DNAAF9: variants seen among roughly 807,000 people sequenced by gnomAD.
DNAAF9 encodes dynein axonemal assembly factor 9, also known as shulin.
DNAAF9 carries 90 observed loss-of-function variants against 167.0 expected under a neutral mutation model. The ratio of observed to expected loss-of-function variants is 0.54; its 90% CI spans 0.45 to 0.64. DNAAF9 has a LOEUF of 0.64. DNAAF9 is among the 30% of genes least tolerant of loss of function. The probability of loss-of-function intolerance (pLI) is 0.00; values close to 1 mark genes in which losing one functional copy is unlikely to be tolerated. For missense variants in DNAAF9, 1,315 were observed against 1,442.2 expected (o/e 0.91, Z 1.43); for synonymous variants, 491 against 508.8 (o/e 0.96, Z 0.47).
At chr20:3,255,630 T>A (rs2068266919) in intron 34 of DNAAF9, among the ~76,000 whole-genome samples, 1 of 152,094 alleles carries the variant, frequency 6.6e-6, no homozygotes, top group Admixed American at 6.6e-5. Context: ...TAGAAGCTTA[T>A]CCAAGTGAGG....
At position 3,322,639 on chromosome 20, in the gene DNAAF9, A is replaced by G. The variant is rs755445325; in HGVS notation, c.1310+13T>C. 1.2e-5 allele frequency: 19 copies of G among 1,602,556 alleles called. No homozygotes were observed. The South Asian group carries it at 1.9e-4, about 16-fold the overall frequency. ...TTGCTCCATGTAAGGATGCACCACA[A>G]TCATATACGCACCTTCCCTGATTAT... On this transcript the variant is annotated intron_variant, in intron 15 of 36. Coordinates refer to ENST00000252032, the MANE Select transcript of DNAAF9 (RefSeq NM_001009984.3).
chr20:3,319,174 G>A (rs112026466), intron 16 of DNAAF9, among the ~76,000 whole-genome samples: 4,270 of 142,724 alleles, frequency 0.03, 88 homozygotes, highest in African/African-American at 0.054. Flanking sequence ...AAGGCAGGAG[G>A]ATTGTTTGAG....
At chr20:3,300,231 T>C (rs752114269) in intron 21 of DNAAF9, among the ~76,000 whole-genome samples, 38 of 152,062 alleles carry the variant, frequency 2.5e-4, no homozygotes, top group Non-Finnish European at 4.4e-4. Context: ...AAAAATGCCA[T>C]TGGGATTTTG....
intron 7 of DNAAF9, among the ~76,000 whole-genome samples, chr20:3,350,531 G>A (rs747618227): frequency 6.6e-6 from 1 of 152,158 alleles, no homozygotes; most frequent in East Asian, 1.9e-4. Flanking sequence ...ATCTACTGAA[G>A]AGATTTAGAA....
chr20:3,344,239 A>G (rs2070147050), intron 8 of DNAAF9, among the ~76,000 whole-genome samples: 1 of 152,204 alleles, frequency 6.6e-6, no homozygotes, highest in African/African-American at 2.4e-5. Context: ...TGGGAAATCA[A>G]TGAAATAAGT....
intron 10 of DNAAF9, among the ~76,000 whole-genome samples, chr20:3,335,852 GT>G (rs1435464781): frequency 6.6e-6 from 1 of 151,938 alleles, no homozygotes; most frequent in Non-Finnish European, 1.5e-5. Flanking sequence ...GCTGAGCGTG[GT>G]GGCTCATGCC....
At chr20:3,386,937 A>C (rs927517449) in intron 1 of DNAAF9, among the ~76,000 whole-genome samples, 2 of 152,230 alleles carry the variant, frequency 1.3e-5, no homozygotes, top group Non-Finnish European at 2.9e-5. Flanking sequence ...AGAATGGATA[A>C]AATGAAAAAC....
chr20:3,320,596 T>TATCA (rs1323813684), intron 16 of DNAAF9, among the ~76,000 whole-genome samples: 1 of 152,200 alleles, frequency 6.6e-6, no homozygotes, highest in African/African-American at 2.4e-5. Flanking sequence ...TATTTCCCAA[T>TATCA]GTTTTAATGA....
rs1040367549 is a variant in DNAAF9 at position 3,339,788 on chromosome 20, G to T, written c.981+716C>A. ...GCCTGTGGTCCCAACTATTCAGGAGGCTGAGGTGGGAGGATCACCTGAGCC... is the reference window on the plus strand; with the variant it reads ...GCCTGTGGTCCCAACTATTCAGGAGTCTGAGGTGGGAGGATCACCTGAGCC... On this transcript the variant is annotated intron_variant, in intron 10 of 36. Transcript: ENST00000252032. Among the ~76,000 whole-genome samples the T allele has an allele frequency of 2.6e-5, 4 of 152,208 alleles. No individual in the cohort carries two copies. The South Asian group carries it at 6.2e-4, about 24-fold the overall frequency.
Position 3,375,109 on chromosome 20 carries a change from G to T in DNAAF9, c.426C>A (p.Ala142=). ...MTENEYEDEE[A]AEEFKITSFV... ...AGCTGGTAATTTTAAATTCTTCTGC[G>T]GCTTCTTCATCTTCATACTGAAGAG... Residue 142 remains alanine (A), a synonymous_variant, in exon 5 of 37, where the codon GCC becomes GCA. Coordinates refer to ENST00000252032, the MANE Select transcript of DNAAF9 (RefSeq NM_001009984.3). The T allele has an allele frequency of 6.2e-7, 1 of 1,606,276 alleles. No homozygotes were observed. Among genetic ancestry groups the T allele is most frequent in the African/African-American group, 1.3e-5 (1 of 74,726 alleles).
chr20:3,373,813 G>A lies in DNAAF9; in HGVS notation c.612+235C>T, dbSNP rs1160465545. ...ACAGGAAGAACAGTCAGCTGAGAAT[G>A]GGGTAAGGGAGAGGAAGGACGGAGA... On this transcript the variant is annotated intron_variant, in intron 6 of 36. Coordinates refer to ENST00000252032, the MANE Select transcript of DNAAF9 (RefSeq NM_001009984.3). Among the ~76,000 whole-genome samples the A allele has an allele frequency of 2.0e-5, 3 of 152,152 alleles. No individual in the cohort carries two copies. The East Asian group carries it at 5.8e-4, about 29-fold the overall frequency.
intron 17 of DNAAF9, among the ~76,000 whole-genome samples, chr20:3,317,360 CAAAAAAAA>C (rs756394932): frequency 1.8e-4 from 18 of 99,534 alleles, no homozygotes; most frequent in Non-Finnish European, 2.2e-4. Context: ...GACCTTGTCT[CAAAAAAAA>C]AAAAAAAAAA....
chr20:3,289,924 T>C (rs1387122976), intron 26 of DNAAF9, among the ~76,000 whole-genome samples: 1 of 152,232 alleles, frequency 6.6e-6, no homozygotes, highest in Non-Finnish European at 1.5e-5. Context: ...GATTTTCGTG[T>C]CTGTATGTTC....
intron 33 of DNAAF9, among the ~76,000 whole-genome samples, chr20:3,257,385 G>A (rs111395394): frequency 0.03 from 4,534 of 151,508 alleles, 102 homozygotes; most frequent in African/African-American, 0.056. Context: ...GGTGGTTCAC[G>A]CCTATAGTCC....
chr20:3,325,583 C>T (rs1568605641), intron 13 of DNAAF9, among the ~76,000 whole-genome samples: 2 of 152,308 alleles, frequency 1.3e-5, no homozygotes, highest in East Asian at 3.9e-4. Flanking sequence ...TCATACACAA[C>T]CTTTCCAATG....
intron 1 of DNAAF9, among the ~76,000 whole-genome samples, chr20:3,399,635 T>C (rs776742896): frequency 1.3e-5 from 2 of 152,080 alleles, no homozygotes; most frequent in Non-Finnish European, 2.9e-5. Context: ...AAGACAGCTC[T>C]CTAAAGAGAA....
At chr20:3,269,817 G>A (rs1245312090) in intron 30 of DNAAF9, among the ~76,000 whole-genome samples, 2 of 151,958 alleles carry the variant, frequency 1.3e-5, no homozygotes, top group Non-Finnish European at 2.9e-5. Flanking sequence ...AATTAGCCGG[G>A]CGTGGTGGCG....
chr20:3,401,669 G>A (rs753649894), intron 1 of DNAAF9, among the ~76,000 whole-genome samples: 1 of 152,160 alleles, frequency 6.6e-6, no homozygotes, highest in African/African-American at 2.4e-5. Context: ...CATACTCAGC[G>A]AGTCCTATGT....
intron 10 of DNAAF9, among the ~76,000 whole-genome samples, chr20:3,338,679 T>G (rs915102188): frequency 7.0e-6 from 1 of 142,500 alleles, no homozygotes; most frequent in Non-Finnish European, 1.5e-5. Context: ...TGAGACGGAG[T>G]TTTGCTCTTG....
Sources: gnomAD v4.1 joint callset for allele counts (sites outside exome capture counted in the v4.1 genomes callset) on GRCh38, gnomAD v4.1.1 for gene constraint, MANE v1.5 for transcripts, NCBI Gene and HGNC (gene_info 2026-07-23, HGNC 2026-07-21) for gene names.